Variants in PAK2 observed in about 807,000 individuals in gnomAD.
The protein encoded by PAK2 is serine/threonine-protein kinase PAK 2.
Under a neutral mutation model 65.9 loss-of-function variants are expected in PAK2, and 21 were observed. That is an observed-to-expected ratio of 0.32 (90% CI 0.23 to 0.46). The LOEUF (loss-of-function observed/expected upper bound fraction) is 0.46. PAK2 is among the 20% of genes least tolerant of loss of function. The probability of loss-of-function intolerance (pLI) is 1.00; values close to 1 mark genes in which losing one functional copy is unlikely to be tolerated. For missense variants in PAK2, 324 were observed against 642.6 expected, an observed-to-expected ratio of 0.50 and a Z score of 5.36; for synonymous variants, 204 against 219.7, an observed-to-expected ratio of 0.93 and a Z score of 0.63.
At position 196,829,446 on chromosome 3, in the gene PAK2, C is replaced by T. The variant is rs1249033843; in HGVS notation, c.*1041C>T. The T allele has an allele frequency of 1.3e-5, 2 of 152,274 alleles. No individual in the cohort carries two copies. Among genetic ancestry groups the T allele is most frequent in the South Asian group, 4.1e-4 (2 of 4,826 alleles). 9.4% of individuals were successfully genotyped at this position (152,274 alleles called of 1,614,324 possible). ...AATAATATAATAACCAGTGAATTTT[C>T]AGGAATTTAAAAATTAGCTTTTTTC... On this transcript the variant is annotated 3_prime_UTR_variant, in exon 15 of 15. Transcript: ENST00000327134.
chr3:196,746,830 AG>A (rs1218812612), intron 1 of PAK2, among the ~76,000 whole-genome samples: 1 of 37,524 alleles, frequency 2.7e-5, no homozygotes. Context: ...AAAAAAAAAA[AG>A]GATAGGCCTT....
intron 5 of PAK2, 116 bp downstream of exon 5, chr3:196,805,499 A>G: frequency 1.8e-6 from 1 of 554,546 alleles, no homozygotes; most frequent in Admixed American, 3.7e-5. Context: ...GTAAATAACT[A>G]CTCAATAGGT....
At chr3:196,752,180 G>A (rs1273618132) in intron 1 of PAK2, among the ~76,000 whole-genome samples, 1 of 152,156 alleles carries the variant, frequency 6.6e-6, no homozygotes. Flanking sequence ...TACTCAACCT[G>A]TAGTACTTAA....
At chr3:196,761,651 C>T (rs1577703326) in intron 1 of PAK2, among the ~76,000 whole-genome samples, 1 of 136,692 alleles carries the variant, frequency 7.3e-6, no homozygotes, top group Admixed American at 7.6e-5. Flanking sequence ...CATCCTGGCC[C>T]GTTCTCAATG....
chr3:196,791,678 A>G lies in PAK2; in HGVS notation c.187+8845A>G, dbSNP rs935751326. ...GGTGGCTCACGCCTGTAATCCCAGC[A>G]CTTTGGGAGGCCGAGGCAGGTGGAT... On this transcript the variant is annotated intron_variant, in intron 2 of 14. Coordinates refer to ENST00000327134, the MANE Select transcript of PAK2 (RefSeq NM_002577.4). This position sits in a 1 kb window ranked among gnomAD's most constrained non-coding sequence, Gnocchi z 4.0. 1.3e-5 allele frequency among the ~76,000 whole-genome samples: 2 copies of G among 151,948 alleles called. No individual in the cohort carries two copies. The highest frequency in any genetic ancestry group is 3.9e-4 in the East Asian group (2 of 5,188).
At chr3:196,762,155 C>T (rs1183525862) in intron 1 of PAK2, among the ~76,000 whole-genome samples, 1 of 109,452 alleles carries the variant, frequency 9.1e-6, no homozygotes, top group East Asian at 2.2e-4. Flanking sequence ...CGGGCAGAGA[C>T]GCTCCTCACT....
chr3:196,749,736 G>T (rs1713505898), intron 1 of PAK2, among the ~76,000 whole-genome samples: 1 of 152,084 alleles, frequency 6.6e-6, no homozygotes, highest in Admixed American at 6.6e-5. Context: ...GGATGTGGGG[G>T]TTCCTGTTGC....
At chr3:196,783,285 C>T (rs976252034) in intron 2 of PAK2, among the ~76,000 whole-genome samples, 1 of 152,162 alleles carries the variant, frequency 6.6e-6, no homozygotes, top group African/African-American at 2.4e-5. Context: ...GAGGCAGCCT[C>T]AGTACTCACA....
intron 1 of PAK2, among the ~76,000 whole-genome samples, chr3:196,750,456 C>T (rs188124956): frequency 4.6e-5 from 7 of 152,172 alleles, no homozygotes; most frequent in East Asian, 1.9e-4. Flanking sequence ...TTATTTGGTA[C>T]GTGTGTAAAT....
chr3:196,806,762 T>G lies in PAK2; in HGVS notation c.576+76T>G. The G allele has an allele frequency of 2.3e-6, 2 of 868,138 alleles. 1 individual carries two copies. Among genetic ancestry groups the G allele is most frequent in the South Asian group, 2.8e-5 (2 of 70,836 alleles). The allele number at this position is 868,138 out of a possible 1,614,324, so 53.8% of individuals were successfully genotyped here. ...AAATAGCAGAGTTTGTATTTGACTTTCAGTGATTGCTTTTAAAAAGCCCTC... is the reference window on the plus strand; with the variant it reads ...AAATAGCAGAGTTTGTATTTGACTTGCAGTGATTGCTTTTAAAAAGCCCTC... On this transcript the variant is annotated intron_variant, in intron 6 of 14. Coordinates refer to ENST00000327134, the MANE Select transcript of PAK2 (RefSeq NM_002577.4).
At chr3:196,824,602 G>A (rs62410762) in intron 13 of PAK2, among the ~76,000 whole-genome samples, 14,190 of 152,174 alleles carry the variant, frequency 0.093, 832 homozygotes, top group South Asian at 0.14. Flanking sequence ...GGATGAGTAG[G>A]TGAAGCACAG....
At chr3:196,771,937 C>T (rs1374941092) in intron 1 of PAK2, among the ~76,000 whole-genome samples, 3 of 152,204 alleles carry the variant, frequency 2.0e-5, no homozygotes, top group Non-Finnish European at 4.4e-5. Flanking sequence ...AACACTATGT[C>T]TATGCTGCTT....
At chr3:196,769,594 G>A (rs1202297260) in intron 1 of PAK2, among the ~76,000 whole-genome samples, 1 of 151,166 alleles carries the variant, frequency 6.6e-6, no homozygotes, top group Non-Finnish European at 1.5e-5. Flanking sequence ...GGCGGATCAC[G>A]AGGTCAGGAG....
Position 196,829,628 on chromosome 3 carries a change from C to A in PAK2, c.*1223C>A, listed in dbSNP as rs753610100. The A allele has an allele frequency of 2.0e-5, 3 of 152,120 alleles. No homozygotes were observed. The highest frequency in any genetic ancestry group is 2.9e-5 in the Non-Finnish European group (2 of 68,030). The allele number at this position is 152,120 out of a possible 1,614,324, so 9.4% of individuals were successfully genotyped here. ...TAGCAAATCGACTGTAGAGACTTGGCGGCGGTGGCATTGCCCCAGGTCGTC... is the reference window on the plus strand; with the variant it reads ...TAGCAAATCGACTGTAGAGACTTGGAGGCGGTGGCATTGCCCCAGGTCGTC... On this transcript the variant is annotated 3_prime_UTR_variant, in exon 15 of 15. Transcript: ENST00000327134.
chr3:196,774,883 A>G (rs1242973806), intron 1 of PAK2, among the ~76,000 whole-genome samples: 2 of 152,252 alleles, frequency 1.3e-5, no homozygotes, highest in East Asian at 3.8e-4. Context: ...TAGGTGGTGC[A>G]AAAGTAATTG....
At chr3:196,789,026 G>A (rs1714984526) in intron 2 of PAK2, among the ~76,000 whole-genome samples, 1 of 152,042 alleles carries the variant, frequency 6.6e-6, no homozygotes, top group Non-Finnish European at 1.5e-5. Flanking sequence ...TTTTAATCAG[G>A]GGAAAGACCT....
chr3:196,819,348 A>G (rs1711580838), intron 12 of PAK2, among the ~76,000 whole-genome samples: 2 of 152,130 alleles, frequency 1.3e-5, no homozygotes, highest in Admixed American at 6.6e-5. Context: ...AGGCTGAGGC[A>G]GGAGGATGGC....
chr3:196,751,407 G>A (rs988897185), intron 1 of PAK2, among the ~76,000 whole-genome samples: 2 of 150,302 alleles, frequency 1.3e-5, no homozygotes, highest in Non-Finnish European at 2.9e-5. Flanking sequence ...TAGCACTTTG[G>A]GAGGGCAAGG....
At chr3:196,753,071 C>T (rs369921121) in intron 1 of PAK2, among the ~76,000 whole-genome samples, 5 of 150,890 alleles carry the variant, frequency 3.3e-5, no homozygotes, top group East Asian at 2.0e-4. Flanking sequence ...TTCCGCCTCC[C>T]GAGTTCAGGC....
Sources: allele counts gnomAD v4.1 joint callset (sites outside exome capture counted in the v4.1 genomes callset), GRCh38; gene constraint gnomAD v4.1.1; non-coding constraint Gnocchi (gnomAD v3.1); transcripts MANE v1.5; gene names NCBI Gene and HGNC (gene_info 2026-07-23, HGNC 2026-07-21).